SH3BP5: variants seen among roughly 807,000 people sequenced by gnomAD.
The protein encoded by SH3BP5 is SH3 domain-binding protein 5.
Under a neutral mutation model 43.3 loss-of-function variants are expected in SH3BP5, and 22 were observed. The ratio of observed to expected loss-of-function variants is 0.51; its 90% CI spans 0.36 to 0.73. The LOEUF is 0.73. Ranked by LOEUF, SH3BP5 falls within the 30% of genes least tolerant of loss-of-function variation. The pLI is 0.00. For synonymous variants in SH3BP5, 255 were observed against 225.8 expected, an observed-to-expected ratio of 1.13 and a Z score of -1.16; for missense variants, 529 against 586.9, an observed-to-expected ratio of 0.90 and a Z score of 1.02.
chr3:15,283,231 C>G (rs1697175960), intron 3 of SH3BP5, among the ~76,000 whole-genome samples: 1 of 152,166 alleles, frequency 6.6e-6, no homozygotes, highest in African/African-American at 2.4e-5. Context: ...AACCCCGTCT[C>G]TACTAAAAGT....
chr3:15,337,323 C>A (rs1332155739), upstream of SH3BP5, among the ~76,000 whole-genome samples: 1 of 151,966 alleles, frequency 6.6e-6, no homozygotes, highest in African/African-American at 2.4e-5. Flanking sequence ...GATCCACCCA[C>A]CTCAGCCTCC....
rs943863740 is a variant in SH3BP5, at chr3:15,316,842, G to C, written c.202-12611C>G. On this transcript the variant is annotated intron_variant, in intron 2 of 8. Transcript: ENST00000383791. ...CAGTCCTACAAGGCCCGAGAGGATG[G>C]ACTGAAGTTACATAACAACCCTGCA... Among the ~76,000 whole-genome samples, 4 of 152,150 alleles carry C rather than the reference G, an allele frequency of 2.6e-5. 1 individual carries two copies. The highest frequency in any genetic ancestry group is 4.1e-4 in the South Asian group (2 of 4,830).
intron 4 of SH3BP5, 94 bp downstream of exon 4, chr3:15,269,619 C>T: frequency 7.4e-7 from 1 of 1,349,492 alleles, no homozygotes; most frequent in Non-Finnish European, 1.0e-6. Flanking sequence ...TTTCAGGCAA[C>T]ATGCCTGGGA....
At chr3:15,320,605 A>AACACACACACAC (rs376414934) in intron 2 of SH3BP5, among the ~76,000 whole-genome samples, 7,676 of 126,810 alleles carry the variant, frequency 0.061, 317 homozygotes, top group African/African-American at 0.1. Flanking sequence ...ATCCAGCCAA[A>AACACACACACAC]ACACACACAC....
chr3:15,263,282 G>A (rs989255906), intron 4 of SH3BP5, among the ~76,000 whole-genome samples: 7 of 152,158 alleles, frequency 4.6e-5, no homozygotes, highest in Non-Finnish European at 1.0e-4. Context: ...GCAGGCAAAT[G>A]GCCAAATAGC....
chr3:15,279,781 G>C (rs897021533), intron 3 of SH3BP5, among the ~76,000 whole-genome samples: 3 of 152,236 alleles, frequency 2.0e-5, no homozygotes, highest in Non-Finnish European at 1.5e-5. Context: ...AAGGGTTTCG[G>C]TTGGGGGCAT....
chr3:15,337,914 C>CAAAA lies in SH3BP5; in HGVS notation c.-402+3305_-402+3308dup, dbSNP rs5846867. 2.7e-4 allele frequency among the ~76,000 whole-genome samples: 17 copies of CAAAA among 63,268 alleles called. 1 individual carries two copies. The highest frequency in any genetic ancestry group is 6.6e-4 in the African/African-American group (10 of 15,066). The allele number at this position is 63,268 out of a possible 152,430, so 41.5% of individuals were successfully genotyped here. A position where few individuals can be genotyped will look rare whatever the true frequency, so the allele number is the denominator to read the frequency against. Reference sequence around the variant, plus strand: ...TGGGTGACAGAGTGAGACCCTGACTCAAAAAAAAAAAAAAAAAAAAAAAGT... The same window carrying CAAAA: ...TGGGTGACAGAGTGAGACCCTGACTCAAAAAAAAAAAAAAAAAAAAAAAAAAAGT... On this transcript the variant is annotated intron_variant, in intron 1 of 8. Coordinates refer to the SH3BP5 transcript ENST00000408919.
intron 2 of SH3BP5, among the ~76,000 whole-genome samples, chr3:15,305,959 G>T (rs984410154): frequency 6.6e-6 from 1 of 151,624 alleles, no homozygotes; most frequent in Non-Finnish European, 1.5e-5. Context: ...AAGGGATCAG[G>T]TCAGTGATTC....
At chr3:15,293,740 C>A (rs1422646621) in intron 3 of SH3BP5, among the ~76,000 whole-genome samples, 1 of 152,168 alleles carries the variant, frequency 6.6e-6, no homozygotes, top group Non-Finnish European at 1.5e-5. Flanking sequence ...ATGTTAAAGT[C>A]CCCAAGCCTC....
chr3:15,266,580 T>C (rs1030973689), intron 4 of SH3BP5, among the ~76,000 whole-genome samples: 2 of 152,214 alleles, frequency 1.3e-5, no homozygotes, highest in African/African-American at 4.8e-5. Flanking sequence ...CAGCTGAGGC[T>C]GAAGGGGTCC....
chr3:15,325,968 G>A (rs1251994219), intron 2 of SH3BP5, among the ~76,000 whole-genome samples: 3 of 152,170 alleles, frequency 2.0e-5, no homozygotes, highest in Non-Finnish European at 2.9e-5. Flanking sequence ...GCAGTGAGCC[G>A]AGATTGTGAC....
chr3:15,278,996 C>T (rs1697046906), intron 3 of SH3BP5, among the ~76,000 whole-genome samples: 1 of 152,074 alleles, frequency 6.6e-6, no homozygotes, highest in Admixed American at 6.5e-5. Context: ...ATGGCGAAAC[C>T]CCATCTCTAA....
At chr3:15,266,365 C>G (rs555494757) in intron 4 of SH3BP5, among the ~76,000 whole-genome samples, 6 of 152,194 alleles carry the variant, frequency 3.9e-5, no homozygotes, top group Non-Finnish European at 8.8e-5. Context: ...GCTGGCCCTG[C>G]GTCGTGTCCT....
At position 15,273,340 on chromosome 3, in the gene SH3BP5, G is replaced by C. The variant is rs1696870612; in HGVS notation, c.331-3463C>G. 6 of 984,924 alleles carry C rather than the reference G, an allele frequency of 6.1e-6. No individual in the cohort carries two copies. The South Asian group carries it at 2.4e-4, about 39-fold the overall frequency. The allele number at this position is 984,924 out of a possible 1,614,324, so 61.0% of individuals were successfully genotyped here. ...TTCTGAAAGGTGGCTGCTGTACCAC[G>C]GGCCCAGCACCTCTTCACACCCTCT... is the stretch of plus-strand genomic sequence containing the variant. On this transcript the variant is annotated intron_variant, in intron 3 of 8. Transcript: ENST00000383791.
chr3:15,308,946 G>C (rs1390295321), intron 2 of SH3BP5, among the ~76,000 whole-genome samples: 1 of 152,030 alleles, frequency 6.6e-6, no homozygotes, highest in Admixed American at 6.6e-5. Context: ...CCACAAAAAG[G>C]AAACATAATC....
intron 5 of SH3BP5, 101 bp from the exon 6 acceptor site, chr3:15,259,904 C>T (rs920733110): frequency 5.7e-6 from 6 of 1,053,776 alleles, no homozygotes; most frequent in African/African-American, 1.6e-5. Flanking sequence ...CTGGCCAGGT[C>T]GTCCTTCCAA....
At chr3:15,261,789 C>T (rs1696451532) in intron 5 of SH3BP5, among the ~76,000 whole-genome samples, 1 of 152,138 alleles carries the variant, frequency 6.6e-6, no homozygotes, top group Non-Finnish European at 1.5e-5. Context: ...ACAACTCATC[C>T]CTATTACACT....
At chr3:15,307,281 C>G (rs1330244330) in intron 2 of SH3BP5, among the ~76,000 whole-genome samples, 1 of 152,162 alleles carries the variant, frequency 6.6e-6, no homozygotes, top group Non-Finnish European at 1.5e-5. Context: ...GCAGCTTCTA[C>G]AGGCAGAAGA....
At chr3:15,272,989 A>T in intron 3 of SH3BP5, 4 of 239,010 alleles carry the variant, frequency 1.7e-5, no homozygotes, top group Non-Finnish European at 2.7e-5. Flanking sequence ...AGTGGTTCTT[A>T]GTTCTTTCAT....
Sources: allele counts gnomAD v4.1 joint callset (sites outside exome capture counted in the v4.1 genomes callset), GRCh38; gene constraint gnomAD v4.1.1; transcripts MANE v1.5; gene names NCBI Gene and HGNC (gene_info 2026-07-23, HGNC 2026-07-21).